SV2C: variants seen among roughly 807,000 people sequenced by gnomAD.
SV2C encodes solute carrier family 22 member B3.
In SV2C, 49 loss-of-function variants were observed where a neutral mutation model predicts 79.7. The ratio of observed to expected loss-of-function variants is 0.61; its 90% CI spans 0.49 to 0.78. The LOEUF is 0.78. Among genes scored for constraint, SV2C ranks in the 30% least tolerant of loss-of-function variants. The pLI is 0.00. For synonymous variants in SV2C, 334 were observed against 333.2 expected (o/e 1.00, Z -0.03); for missense variants, 833 against 912.9 (o/e 0.91, Z 1.13).
chr5:76,340,092 T>C (rs1334558701), intron 12 of SV2C, among the ~76,000 whole-genome samples: 1 of 152,166 alleles, frequency 6.6e-6, no homozygotes, highest in Non-Finnish European at 1.5e-5. Flanking sequence ...TCATAATTCA[T>C]TAGCATGCAG....
chr5:76,086,267 C>G (rs1361209429), intron 1 of SV2C, among the ~76,000 whole-genome samples: 1 of 152,296 alleles, frequency 6.6e-6, no homozygotes, highest in Middle Eastern at 3.4e-3. Flanking sequence ...CAATATATCA[C>G]GTGACGACAA....
chr5:76,183,634 T>C (rs1459985651), intron 2 of SV2C, among the ~76,000 whole-genome samples: 1 of 152,172 alleles, frequency 6.6e-6, no homozygotes, highest in East Asian at 1.9e-4. Context: ...GCTCAACTCC[T>C]TGTGTTGACT....
chr5:76,243,570 A>G (rs922551552), intron 4 of SV2C, among the ~76,000 whole-genome samples: 1 of 152,044 alleles, frequency 6.6e-6, no homozygotes, highest in Non-Finnish European at 1.5e-5. Context: ...ATCTCATTTT[A>G]TTTTCCTGCT....
At chr5:76,085,268 G>A (rs919077692) in intron 1 of SV2C, among the ~76,000 whole-genome samples, 1 of 152,150 alleles carries the variant, frequency 6.6e-6, no homozygotes, top group Non-Finnish European at 1.5e-5. Context: ...CAGGATTTTT[G>A]GCAGGAGGCC....
rs923988931 is a variant in SV2C, at chr5:76,333,362, G to T, written c.*7815G>T. On this transcript the variant is annotated 3_prime_UTR_variant, in exon 13 of 13. Coordinates refer to ENST00000502798, the MANE Select transcript of SV2C (RefSeq NM_014979.4). ...ATATTGAACAGATCATATGTCTTTT[G>T]TTACTATCTAGATACACTAAATAAC... 2 of 152,112 alleles carry T rather than the reference G, an allele frequency of 1.3e-5. No individual in the cohort carries two copies. The highest frequency in any genetic ancestry group is 4.8e-5 in the African/African-American group (2 of 41,428). 9.4% of individuals were successfully genotyped at this position (152,112 alleles called of 1,614,324 possible). A position where few individuals can be genotyped will look rare whatever the true frequency, so the allele number is the denominator to read the frequency against.
At chr5:76,052,590 C>T in the SV2C span, among the ~76,000 whole-genome samples, 7 of 152,124 alleles carry the variant, frequency 4.6e-5, no homozygotes, top group Non-Finnish European at 1.0e-4. Context: ...CTTTTGAGCC[C>T]GTCTGATGGC....
chr5:76,314,415 C>T (rs939252963), intron 12 of SV2C, among the ~76,000 whole-genome samples: 1 of 152,136 alleles, frequency 6.6e-6, no homozygotes, highest in Non-Finnish European at 1.5e-5. Flanking sequence ...TATTAGAGAT[C>T]CACCTCCCCC....
At chr5:76,000,948 C>G in the SV2C span, among the ~76,000 whole-genome samples, 1 of 151,074 alleles carries the variant, frequency 6.6e-6, no homozygotes, top group Admixed American at 6.6e-5. Context: ...TCACACCAGG[C>G]TAAGAGTTTA....
At chr5:76,162,472 C>T (rs13167138) in intron 2 of SV2C, among the ~76,000 whole-genome samples, 14,138 of 152,146 alleles carry the variant, frequency 0.093, 875 homozygotes, top group Non-Finnish European at 0.13. Flanking sequence ...GAATCGGGAG[C>T]CCAGGTTTCT....
chr5:75,994,487 C>G, the SV2C span, among the ~76,000 whole-genome samples: 1 of 151,794 alleles, frequency 6.6e-6, no homozygotes. Context: ...GTAATATAAC[C>G]TTGAACAAGT....
At chr5:76,293,440 G>A (rs1298926021) in intron 8 of SV2C, among the ~76,000 whole-genome samples, 2 of 152,076 alleles carry the variant, frequency 1.3e-5, no homozygotes, top group Non-Finnish European at 2.9e-5. Context: ...AACCTCAATA[G>A]TGCCTAGTAT....
the SV2C span, chr5:75,911,150 C>T: frequency 1.3e-6 from 2 of 1,587,648 alleles, no homozygotes; most frequent in Non-Finnish European, 1.7e-6. Context: ...AAGGAAGGAT[C>T]TGAAGCAAGC....
chr5:75,862,877 G>C, the SV2C span, among the ~76,000 whole-genome samples: 2 of 152,196 alleles, frequency 1.3e-5, no homozygotes, highest in Admixed American at 1.3e-4. Flanking sequence ...GGTTCATTTT[G>C]ATCAGAACAA....
chr5:76,057,087 G>A, the SV2C span, among the ~76,000 whole-genome samples: 3 of 152,042 alleles, frequency 2.0e-5, no homozygotes, highest in Non-Finnish European at 4.4e-5. Context: ...TGTGATATTA[G>A]GGTATTGATT....
chr5:76,019,948 A>T, the SV2C span, among the ~76,000 whole-genome samples: 1 of 152,200 alleles, frequency 6.6e-6, no homozygotes, highest in Non-Finnish European at 1.5e-5. Flanking sequence ...TTGGCATGTC[A>T]TTAGATTAAG....
the SV2C span, among the ~76,000 whole-genome samples, chr5:75,973,190 G>T: frequency 6.6e-6 from 1 of 151,972 alleles, no homozygotes; most frequent in Non-Finnish European, 1.5e-5. Context: ...GTGGGGAAGG[G>T]GGGAGGGATA....
chr5:75,970,468 G>A, the SV2C span, among the ~76,000 whole-genome samples: 10 of 151,774 alleles, frequency 6.6e-5, no homozygotes, highest in Admixed American at 1.3e-4. Context: ...TCAAATAGAC[G>A]CAATAAAAAA....
intron 12 of SV2C, among the ~76,000 whole-genome samples, chr5:76,307,228 T>TATCTGCTATTCTAGAAGCAGGA (rs1748223519): frequency 6.6e-6 from 1 of 152,234 alleles, no homozygotes; most frequent in South Asian, 2.1e-4. Context: ...AGTTGACTTT[T>TATCTGCTATTCTAGAAGCAGGA]ATCTGCTATT....
rs1052866726 is a variant in SV2C, at chr5:76,141,961, T to G, written c.580+9631T>G. Among the ~76,000 whole-genome samples, 102 of 152,130 alleles carry G rather than the reference T, an allele frequency of 6.7e-4. 4 individuals carry two copies. Among genetic ancestry groups the G allele is most frequent in the Non-Finnish European group, 2.4e-4 (16 of 68,016 alleles). ...CAGACTCATAGGTTTGATTTCAGAT[T>G]ATCAGTATGCAGTTGCACCCTTTCA... On this transcript the variant is annotated intron_variant, in intron 2 of 12. Coordinates refer to ENST00000502798, the MANE Select transcript of SV2C (RefSeq NM_014979.4).
Sources: allele counts gnomAD v4.1 joint callset (sites outside exome capture counted in the v4.1 genomes callset), GRCh38; gene constraint gnomAD v4.1.1; transcripts MANE v1.5; gene names NCBI Gene and HGNC (gene_info 2026-07-23, HGNC 2026-07-21).